PIP5K1C: variants seen among roughly 807,000 people sequenced by gnomAD.
PIP5K1C encodes phosphatidylinositol 4-phosphate 5-kinase type-1 gamma.
Under a neutral mutation model 80.1 loss-of-function variants are expected in PIP5K1C, and 45 were observed. The ratio of observed to expected loss-of-function variants is 0.56; its 90% CI spans 0.44 to 0.72. PIP5K1C has a LOEUF of 0.72. PIP5K1C is among the 30% of genes least tolerant of loss of function. The probability of loss-of-function intolerance (pLI) is 0.00; values close to 1 mark genes in which losing one functional copy is unlikely to be tolerated. For synonymous variants in PIP5K1C, 498 were observed against 420.1 expected (o/e 1.19, Z -2.27); for missense variants, 753 against 954.6 (o/e 0.79, Z 2.78).
intron 12 of PIP5K1C, 116 bp downstream of exon 12, chr19:3,643,971 A>T: frequency 7.9e-7 from 1 of 1,267,778 alleles, no homozygotes; most frequent in Non-Finnish European, 1.1e-6. Flanking sequence ...GGCCCTGCAG[A>T]TCCGGAGGGG....
intron 13 of PIP5K1C, 121 bp downstream of exon 13, chr19:3,643,122 C>G (rs899933665): frequency 7.4e-6 from 11 of 1,481,878 alleles, no homozygotes; most frequent in Non-Finnish European, 3.7e-6. Flanking sequence ...GTATGTACAT[C>G]CACCGTACAT....
intron 1 of PIP5K1C, among the ~76,000 whole-genome samples, chr19:3,668,834 G>A (rs1046850560): frequency 6.6e-6 from 1 of 152,176 alleles, no homozygotes; most frequent in Non-Finnish European, 1.5e-5. Flanking sequence ...AGGATGCCGT[G>A]GGAGCCGGAG....
intron 2 of PIP5K1C, among the ~76,000 whole-genome samples, chr19:3,666,058 G>A (rs61361704): frequency 0.13 from 20,340 of 152,036 alleles, 1,744 homozygotes; most frequent in African/African-American, 0.24. Context: ...AATTCACCCC[G>A]CCACCCGGGC....
At chr19:3,653,701 C>A in intron 6 of PIP5K1C, 112 bp from the exon 7 acceptor site, 2 of 1,027,174 alleles carry the variant, frequency 1.9e-6, no homozygotes, top group Non-Finnish European at 1.4e-6. Context: ...GCCAGCCCCC[C>A]TCTCTCCCCA....
At chr19:3,683,650 C>T (rs988675455) in intron 1 of PIP5K1C, among the ~76,000 whole-genome samples, 1 of 152,304 alleles carries the variant, frequency 6.6e-6, no homozygotes, top group East Asian at 1.9e-4. Flanking sequence ...GGTGGACGCA[C>T]CTGATTCCAG....
chr19:3,635,915 A>G lies in PIP5K1C; in HGVS notation c.1921-2395T>C, dbSNP rs573570996. 1.5e-3 allele frequency among the ~76,000 whole-genome samples: 223 copies of G among 150,332 alleles called. 1 individual carries two copies. The highest frequency in any genetic ancestry group is 5.4e-3 in the African/African-American group (221 of 40,718). ...GAATGGCGTGAACCCGGGAGGCGGA[A>G]CTTGCAGCGAGCCGAGATTGTGCCA... On this transcript the variant is annotated intron_variant, in intron 16 of 17. Coordinates refer to ENST00000335312, the MANE Select transcript of PIP5K1C (RefSeq NM_012398.3).
chr19:3,675,770 G>A (rs1280046492), intron 1 of PIP5K1C, among the ~76,000 whole-genome samples: 1 of 152,164 alleles, frequency 6.6e-6, no homozygotes, highest in Non-Finnish European at 1.5e-5. Context: ...CTCTGGGCTG[G>A]TCACTGGGGC....
At chr19:3,644,384 GCAC>G (rs918291811) in intron 11 of PIP5K1C, 133 bp from the exon 12 acceptor site, 3 of 879,710 alleles carry the variant, frequency 3.4e-6, no homozygotes, top group Admixed American at 2.4e-5. Context: ...AGGCCAGGAA[GCAC>G]CACAACCTCT....
In PIP5K1C at chr19:3,692,716, G is replaced by A. The variant is rs114715262; in HGVS notation, c.94+7581C>T. Among the ~76,000 whole-genome samples, 861 of 151,712 alleles carry A rather than the reference G, an allele frequency of 5.7e-3. 3 individuals are homozygous for A. Among genetic ancestry groups the A allele is most frequent in the African/African-American group, 0.02 (831 of 41,332 alleles). On this transcript the variant is annotated intron_variant, in intron 1 of 17. Transcript: ENST00000335312. This position sits in a 1 kb window ranked among gnomAD's most constrained non-coding sequence, Gnocchi z 5.2. ...GGGTGCCTGTGAGCTCCTGAGTCTCGCCCATCCCTCCTCTGCCCGCAGCCC... is the reference window on the plus strand; with the variant it reads ...GGGTGCCTGTGAGCTCCTGAGTCTCACCCATCCCTCCTCTGCCCGCAGCCC...
At chr19:3,642,534 T>C (rs886138473) in intron 14 of PIP5K1C, among the ~76,000 whole-genome samples, 1 of 152,220 alleles carries the variant, frequency 6.6e-6, no homozygotes, top group African/African-American at 2.4e-5. Flanking sequence ...GTCTGCTGTG[T>C]TCCCAGAAAG....
intron 7 of PIP5K1C, among the ~76,000 whole-genome samples, chr19:3,652,603 C>T (rs543793474): frequency 2.0e-5 from 3 of 152,140 alleles, no homozygotes; most frequent in African/African-American, 7.2e-5. Context: ...CTCGAAGCTG[C>T]CGGGGTGGGA....
intron 11 of PIP5K1C, 52 bp from the exon 12 acceptor site, chr19:3,644,303 A>G (rs1235950270): frequency 1.9e-6 from 3 of 1,579,010 alleles, no homozygotes; most frequent in Non-Finnish European, 2.6e-6. Flanking sequence ...GCTCATAGCA[A>G]AGCCCAGACA....
At chr19:3,662,786 G>A (rs879044614) in intron 3 of PIP5K1C, among the ~76,000 whole-genome samples, 1 of 151,494 alleles carries the variant, frequency 6.6e-6, no homozygotes, top group Non-Finnish European at 1.5e-5. Flanking sequence ...GGCTGGTCTC[G>A]AACTCCTGAC....
chr19:3,660,719 AG>A (rs1351283048), intron 5 of PIP5K1C, among the ~76,000 whole-genome samples: 1 of 152,082 alleles, frequency 6.6e-6, no homozygotes, highest in Non-Finnish European at 1.5e-5. Context: ...CCACATGGTG[AG>A]GAATGGAGGC....
chr19:3,659,528 C>T lies in PIP5K1C; in HGVS notation c.468+1438G>A, dbSNP rs142100120. 5.6e-3 allele frequency among the ~76,000 whole-genome samples: 850 copies of T among 152,334 alleles called. 17 individuals carry two copies. The highest frequency in any genetic ancestry group is 0.019 in the African/African-American group (801 of 41,572). The stretch of plus-strand genomic sequence containing the variant: ...CAGGCTGCTGCCTTCTGTTCCTGGC[C>T]GCCTCACACGGTAGCGTCCAGGTCA... On this transcript the variant is annotated intron_variant, in intron 5 of 17. Coordinates refer to ENST00000335312, the MANE Select transcript of PIP5K1C (RefSeq NM_012398.3).
chr19:3,669,981 G>C (rs8101013), intron 1 of PIP5K1C: 1 of 152,016 alleles, frequency 6.6e-6, no homozygotes, highest in Admixed American at 6.6e-5. Flanking sequence ...GCAGGCCGGG[G>C]AGGGGCCTGG....
At chr19:3,663,075 A>G (rs997543832) in intron 3 of PIP5K1C, among the ~76,000 whole-genome samples, 1 of 152,198 alleles carries the variant, frequency 6.6e-6, no homozygotes, top group Admixed American at 6.5e-5. Context: ...CATGTTGCCC[A>G]GGCTGGTCTC....
rs114799461 is a variant in PIP5K1C, at chr19:3,667,296, G to A, written c.126+26C>T. On this transcript the variant is annotated intron_variant, in intron 2 of 17. Transcript: ENST00000335312. ...CAGCAGGTCAGGGTGGGGACCCCAG[G>A]CCCTTCGTCCGCTCCAGACACTCAC... is the stretch of plus-strand genomic sequence containing the variant. 136,048 of 1,607,762 alleles carry A rather than the reference G, an allele frequency of 0.085. 6,255 individuals are homozygous for A. Among genetic ancestry groups the A allele is most frequent in the Non-Finnish European group, 0.097 (114,219 of 1,176,142 alleles).
Position 3,688,352 on chromosome 19 carries a change from C to T in PIP5K1C, c.94+11945G>A, listed in dbSNP as rs569385187. Among the ~76,000 whole-genome samples the T allele has an allele frequency of 2.0e-5, 3 of 152,160 alleles. No individual in the cohort carries two copies. Among genetic ancestry groups the T allele is most frequent in the Non-Finnish European group, 4.4e-5 (3 of 68,012 alleles). The stretch of plus-strand genomic sequence containing the variant: ...CAGAGCGGGGTGCCGCAGGGGAGCC[C>T]GCAGGAGCTCCTGTTCCTCACCTGC... On this transcript the variant is annotated intron_variant, in intron 1 of 17. Coordinates refer to ENST00000335312, the MANE Select transcript of PIP5K1C (RefSeq NM_012398.3). This position sits in a 1 kb window ranked among gnomAD's most constrained non-coding sequence, Gnocchi z 5.3.
Sources: allele counts gnomAD v4.1 joint callset (sites outside exome capture counted in the v4.1 genomes callset), GRCh38; gene constraint gnomAD v4.1.1; non-coding constraint Gnocchi (gnomAD v3.1); transcripts MANE v1.5; gene names NCBI Gene and HGNC (gene_info 2026-07-23, HGNC 2026-07-21).